Variants in ANKIB1 observed in about 807,000 individuals in gnomAD.
The protein encoded by ANKIB1 is ankyrin repeat and IBR domain containing 1.
Under a neutral mutation model 122.1 loss-of-function variants are expected in ANKIB1, and 43 were observed. The ratio of observed to expected loss-of-function variants is 0.35; its 90% CI spans 0.28 to 0.45. The LOEUF (loss-of-function observed/expected upper bound fraction) is 0.45. Ranked by LOEUF, ANKIB1 falls within the 20% of genes least tolerant of loss-of-function variation. The pLI is 1.00. For missense variants in ANKIB1, 992 were observed against 1,329.5 expected (o/e 0.75, Z 3.95); for synonymous variants, 390 against 442.0 (o/e 0.88, Z 1.48).
intron 3 of ANKIB1, among the ~76,000 whole-genome samples, chr7:92,313,423 G>A (rs1802731723): frequency 6.6e-6 from 1 of 152,134 alleles, no homozygotes; most frequent in Admixed American, 6.6e-5. Flanking sequence ...AAAGAATACA[G>A]GAATTATATT....
At position 92,320,428 on chromosome 7, in the gene ANKIB1, G is replaced by C. The variant is rs565545812; in HGVS notation, c.669+916G>C. Reference sequence around the variant, plus strand: ...TTCCTCAGTGGCACTTGATGCAATTGACCAATCCCTTCTTAATGAAACACT... The same window carrying C: ...TTCCTCAGTGGCACTTGATGCAATTCACCAATCCCTTCTTAATGAAACACT... On this transcript the variant is annotated intron_variant, in intron 4 of 19. Coordinates refer to ENST00000265742, the MANE Select transcript of ANKIB1 (RefSeq NM_019004.2). 1.4e-3 allele frequency among the ~76,000 whole-genome samples: 209 copies of C among 152,226 alleles called. 1 individual carries two copies. The highest frequency in any genetic ancestry group is 4.7e-3 in the African/African-American group (197 of 41,540).
Position 92,267,281 on chromosome 7 carries a change from C to G in ANKIB1, c.-91+20762C>G, listed in dbSNP as rs527994621. ...AAAAACTTACAAATCAAGAATACAG[C>G]TCAATAAATATTCACAAAGTGAACA... is the stretch of plus-strand genomic sequence containing the variant. On this transcript the variant is annotated intron_variant, in intron 1 of 19. Coordinates refer to ENST00000265742, the MANE Select transcript of ANKIB1 (RefSeq NM_019004.2). 1.4e-4 allele frequency among the ~76,000 whole-genome samples: 21 copies of G among 152,190 alleles called. No individual in the cohort carries two copies. The South Asian group carries it at 3.1e-3, about 23-fold the overall frequency.
intron 5 of ANKIB1, among the ~76,000 whole-genome samples, chr7:92,342,729 A>G (rs1455687904): frequency 6.6e-6 from 1 of 152,210 alleles, no homozygotes; most frequent in African/African-American, 2.4e-5. Flanking sequence ...AGTGAATTCC[A>G]AGAGTGATTT....
intron 17 of ANKIB1, chr7:92,395,839 CT>C (rs1477969468): frequency 4.5e-5 from 7 of 154,150 alleles, no homozygotes; most frequent in East Asian, 3.9e-4. Context: ...GCACCCACCC[CT>C]GGTCACGTTT....
chr7:92,398,850 C>CA lies in ANKIB1; in HGVS notation c.3172dup (p.Ser1058LysfsTer3). The CA allele has an allele frequency of 6.2e-7, 1 of 1,604,722 alleles. No homozygotes were observed. Among genetic ancestry groups the CA allele is most frequent in the Non-Finnish European group, 8.5e-7 (1 of 1,175,402 alleles). On this transcript the variant is annotated frameshift_variant, in exon 20 of 20. Coordinates refer to ENST00000265742, the MANE Select transcript of ANKIB1 (RefSeq NM_019004.2). LOFTEE classifies it high-confidence loss of function. ...GGGAAGCAGCATCTCAAGCTGGTGA[C>CA]AGTGGTAACGAGGCAGCCAACAGAG... is the stretch of plus-strand genomic sequence containing the variant.
chr7:92,304,859 A>G (rs542351756), intron 2 of ANKIB1, among the ~76,000 whole-genome samples: 102 of 150,666 alleles, frequency 6.8e-4, no homozygotes, highest in African/African-American at 2.4e-3. Flanking sequence ...ATGGCTGTAT[A>G]AAAAAAATTA....
At chr7:92,338,523 A>C (rs1036562611) in intron 5 of ANKIB1, among the ~76,000 whole-genome samples, 1 of 152,136 alleles carries the variant, frequency 6.6e-6, no homozygotes, top group Non-Finnish European at 1.5e-5. Context: ...TGCATTTTAC[A>C]TGTCCAGTTA....
chr7:92,311,215 A>G (rs1213293779), intron 3 of ANKIB1, among the ~76,000 whole-genome samples: 1 of 152,154 alleles, frequency 6.6e-6, no homozygotes, highest in Non-Finnish European at 1.5e-5. Context: ...GTCGTCAGAT[A>G]TTTATTAATG....
intron 11 of ANKIB1, among the ~76,000 whole-genome samples, chr7:92,384,743 C>G (rs192081852): frequency 0.094 from 14,223 of 151,578 alleles, 871 homozygotes; most frequent in East Asian, 0.35. Flanking sequence ...ATTCACGATG[C>G]ATTAAAGACT....
intron 5 of ANKIB1, 92 bp downstream of exon 5, chr7:92,327,992 G>A: frequency 1.3e-6 from 1 of 783,060 alleles, no homozygotes; most frequent in South Asian, 1.8e-5. Context: ...TTTGAATACA[G>A]AACAAAATGG....
At chr7:92,301,820 A>C (rs886921835) in intron 2 of ANKIB1, among the ~76,000 whole-genome samples, 2 of 152,176 alleles carry the variant, frequency 1.3e-5, no homozygotes, top group Non-Finnish European at 2.9e-5. Flanking sequence ...TGTTAGATTT[A>C]GTCCTACTTT....
At position 92,374,902 on chromosome 7, in the gene ANKIB1, G is replaced by A. The variant is rs1020739177; in HGVS notation, c.1617+3295G>A. Among the ~76,000 whole-genome samples the A allele has an allele frequency of 2.6e-5, 4 of 151,744 alleles. No homozygotes were observed. The East Asian group carries it at 7.7e-4, about 29-fold the overall frequency. ...AGAAAAAAAAAATGAAGGTGAGGGA[G>A]TTCAAAGACACAATATGAAGAATAA... On this transcript the variant is annotated intron_variant, in intron 11 of 19. Transcript: ENST00000265742.
rs559692075 is a variant in ANKIB1 at position 92,310,730 on chromosome 7, A to T, written c.486+3074A>T. On this transcript the variant is annotated intron_variant, in intron 3 of 19. Coordinates refer to ENST00000265742, the MANE Select transcript of ANKIB1 (RefSeq NM_019004.2). Reference sequence around the variant, plus strand: ...ACTTTAAATTGTCTCTAGATTGCGTATAATACCTAGTACAATGTAAGTGTC... The same window carrying T: ...ACTTTAAATTGTCTCTAGATTGCGTTTAATACCTAGTACAATGTAAGTGTC... 1.7e-4 allele frequency among the ~76,000 whole-genome samples: 26 copies of T among 152,334 alleles called. No individual in the cohort carries two copies. The East Asian group carries it at 5.0e-3, about 29-fold the overall frequency.
chr7:92,295,225 A>G, intron 2 of ANKIB1, 59 bp downstream of exon 2: 5 of 1,245,664 alleles, frequency 4.0e-6, no homozygotes, highest in Non-Finnish European at 5.2e-6. Context: ...ATTGGTAACA[A>G]AGTGGTGAAA....
intron 1 of ANKIB1, among the ~76,000 whole-genome samples, chr7:92,259,557 G>T (rs1199152038): frequency 6.6e-6 from 1 of 152,096 alleles, no homozygotes; most frequent in Non-Finnish European, 1.5e-5. Context: ...AAATTATCAG[G>T]GGATTTATAT....
At chr7:92,295,748 A>G (rs1456133736) in intron 2 of ANKIB1, among the ~76,000 whole-genome samples, 1 of 152,216 alleles carries the variant, frequency 6.6e-6, no homozygotes, top group Non-Finnish European at 1.5e-5. Flanking sequence ...TGAAAATACT[A>G]AGAAACTTTA....
At position 92,307,341 on chromosome 7, in the gene ANKIB1, CCTTT is replaced by C. The variant is rs372889734; in HGVS notation, c.189-12_189-9del. 6.3e-6 allele frequency: 10 copies of C among 1,587,100 alleles called. No individual in the cohort carries two copies. In the Admixed American group the frequency reaches 1.3e-4, roughly 20 times the overall value. On this transcript the variant is annotated splice_polypyrimidine_tract_variant and intron_variant, in intron 2 of 19. Coordinates refer to ENST00000265742, the MANE Select transcript of ANKIB1 (RefSeq NM_019004.2). ...AAGTGATTTTCATCCTTTATTTTTC[CCTTT>C]CTTTCCATTTTAGGACTTTTCTTGG...
At chr7:92,378,828 T>C (rs749040632) in intron 11 of ANKIB1, among the ~76,000 whole-genome samples, 8 of 152,162 alleles carry the variant, frequency 5.3e-5, no homozygotes, top group Non-Finnish European at 7.3e-5. Context: ...CAAACAAAAA[T>C]TCAGTTAAGT....
intron 2 of ANKIB1, among the ~76,000 whole-genome samples, chr7:92,306,887 G>A (rs1802573196): frequency 6.6e-6 from 1 of 152,054 alleles, no homozygotes; most frequent in Admixed American, 6.6e-5. Flanking sequence ...TAAATTAGTT[G>A]CCACTAATAT....
Sources: allele counts gnomAD v4.1 joint callset (sites outside exome capture counted in the v4.1 genomes callset), GRCh38; gene constraint gnomAD v4.1.1; transcripts MANE v1.5; gene names NCBI Gene and HGNC (gene_info 2026-07-23, HGNC 2026-07-21).